SLC14A2: variants seen among roughly 807,000 people sequenced by gnomAD.
SLC14A2 encodes urea transporter 2.
A neutral mutation model predicts 104.6 loss-of-function variants in SLC14A2; 91 were observed. The ratio of observed to expected loss-of-function variants is 0.87; its 90% CI spans 0.73 to 1.04. SLC14A2 has a LOEUF of 1.04. SLC14A2 is among the 50% of genes least tolerant of loss of function. The pLI, the probability that SLC14A2 is intolerant of heterozygous loss-of-function variation, is 0.00. For synonymous variants in SLC14A2, 476 were observed against 466.4 expected (o/e 1.02, Z -0.27); for missense variants, 1,189 against 1,156.0 (o/e 1.03, Z -0.41).
chr18:45,545,587 C>T (rs189010042), intron 2 of SLC14A2, among the ~76,000 whole-genome samples: 23 of 152,294 alleles, frequency 1.5e-4, no homozygotes, highest in East Asian at 3.9e-4. Context: ...TCAAGAAACA[C>T]GCCATGATAT....
chr18:45,423,597 A>G (rs779333798), intron 1 of SLC14A2, among the ~76,000 whole-genome samples: 7 of 152,198 alleles, frequency 4.6e-5, no homozygotes, highest in Non-Finnish European at 7.3e-5. Context: ...AAAAAATGTG[A>G]CTGACAAGGG....
intron 2 of SLC14A2, among the ~76,000 whole-genome samples, chr18:45,562,558 C>A (rs2044215054): frequency 1.3e-5 from 2 of 152,162 alleles, no homozygotes; most frequent in South Asian, 4.1e-4. Context: ...GCTGGAGTGT[C>A]TGGCTGGATT....
intron 1 of SLC14A2, among the ~76,000 whole-genome samples, chr18:45,232,139 C>A (rs978520157): frequency 6.6e-6 from 1 of 152,026 alleles, no homozygotes; most frequent in Non-Finnish European, 1.5e-5. Context: ...AAGAACTACC[C>A]GAGACTGGGC....
In SLC14A2 at chr18:45,541,408, T is replaced by C. The variant is rs116291363; in HGVS notation, c.-35+58086T>C. On this transcript the variant is annotated intron_variant, in intron 2 of 20. Transcript: ENST00000586448. ...AGAGACAGGTTGCCTTTGAATCTGGTGCCCATCCTAGTCCATTCATCTGTC... is the reference window on the plus strand; with the variant it reads ...AGAGACAGGTTGCCTTTGAATCTGGCGCCCATCCTAGTCCATTCATCTGTC... 2.7e-3 allele frequency among the ~76,000 whole-genome samples: 414 copies of C among 152,356 alleles called. 3 individuals are homozygous for C. Among genetic ancestry groups the C allele is most frequent in the African/African-American group, 9.1e-3 (377 of 41,586 alleles).
chr18:45,298,809 G>C (rs76829959), intron 1 of SLC14A2, among the ~76,000 whole-genome samples: 2 of 152,108 alleles, frequency 1.3e-5, no homozygotes, highest in African/African-American at 4.8e-5. Flanking sequence ...TGGGAGGAGT[G>C]GGGGACCTTG....
chr18:45,635,423 A>G (rs773821921), intron 5 of SLC14A2, among the ~76,000 whole-genome samples: 90 of 152,234 alleles, frequency 5.9e-4, no homozygotes, highest in Admixed American at 1.3e-3. Flanking sequence ...GAACAGGCAA[A>G]AAGAAAACTA....
intron 2 of SLC14A2, among the ~76,000 whole-genome samples, chr18:45,588,924 G>A (rs1421621682): frequency 2.0e-5 from 3 of 151,808 alleles, no homozygotes; most frequent in Non-Finnish European, 4.4e-5. Context: ...GAAAGGGAGA[G>A]GAAGGTCTGT....
intron 1 of SLC14A2, among the ~76,000 whole-genome samples, chr18:45,325,488 G>A (rs1326196631): frequency 6.6e-6 from 1 of 152,210 alleles, no homozygotes; most frequent in Non-Finnish European, 1.5e-5. Context: ...AGTGCCAAGT[G>A]TCGATCCTGT....
intron 1 of SLC14A2, among the ~76,000 whole-genome samples, chr18:45,253,731 T>C (rs748944964): frequency 6.6e-6 from 1 of 152,224 alleles, no homozygotes; most frequent in African/African-American, 2.4e-5. Flanking sequence ...CCAAGTCTTA[T>C]CTTCAGAGAA....
At chr18:45,255,637 T>C (rs1420276433) in intron 1 of SLC14A2, among the ~76,000 whole-genome samples, 1 of 152,218 alleles carries the variant, frequency 6.6e-6, no homozygotes, top group African/African-American at 2.4e-5. Context: ...GGACCACATG[T>C]TTATTTTCCA....
intron 2 of SLC14A2, among the ~76,000 whole-genome samples, chr18:45,568,941 A>G (rs1210869077): frequency 3.9e-5 from 6 of 152,238 alleles, no homozygotes; most frequent in African/African-American, 1.4e-4. Flanking sequence ...TGGATCCAGT[A>G]AAAGAAGAGG....
intron 1 of SLC14A2, among the ~76,000 whole-genome samples, chr18:45,419,894 T>A (rs1373550580): frequency 2.0e-5 from 3 of 152,218 alleles, no homozygotes; most frequent in Non-Finnish European, 4.4e-5. Flanking sequence ...ATGATTCACC[T>A]CCGGTTCTCC....
At chr18:45,466,037 G>C (rs546442790) in intron 1 of SLC14A2, among the ~76,000 whole-genome samples, 2 of 152,096 alleles carry the variant, frequency 1.3e-5, no homozygotes, top group African/African-American at 4.8e-5. Flanking sequence ...TATCAGCCAT[G>C]CCCCACAAGG....
intron 1 of SLC14A2, among the ~76,000 whole-genome samples, chr18:45,422,127 A>G (rs2086357008): frequency 6.6e-6 from 1 of 152,164 alleles, no homozygotes; most frequent in African/African-American, 2.4e-5. Flanking sequence ...AGAAATAGGG[A>G]GCTATAGCAG....
intron 1 of SLC14A2, among the ~76,000 whole-genome samples, chr18:45,289,475 A>G (rs1039365845): frequency 1.3e-5 from 2 of 152,128 alleles, no homozygotes; most frequent in Non-Finnish European, 2.9e-5. Flanking sequence ...AAGGGTGACA[A>G]TCCTACTTTT....
intron 2 of SLC14A2, among the ~76,000 whole-genome samples, chr18:45,534,688 T>C (rs1227900684): frequency 1.3e-5 from 2 of 152,144 alleles, no homozygotes; most frequent in Non-Finnish European, 2.9e-5. Context: ...GTGGAGGATA[T>C]GGGACATAGG....
the SLC14A2 span, among the ~76,000 whole-genome samples, chr18:45,174,598 A>G: frequency 2.0e-5 from 3 of 152,156 alleles, no homozygotes; most frequent in Non-Finnish European, 2.9e-5. Flanking sequence ...GCTTCGTTCC[A>G]CTTCTAATAA....
rs186821535 is a variant in SLC14A2, at chr18:45,432,860, G to A, written c.-124-50373G>A. On this transcript the variant is annotated intron_variant, in intron 1 of 20. Transcript: ENST00000586448. ...TGAGTCATTAAATCTAACCTTAGGG[G>A]CAAGAGTTTGTCTGGGATTTTGATT... Among the ~76,000 whole-genome samples, 42 of 152,224 alleles carry A rather than the reference G, an allele frequency of 2.8e-4. 2 individuals are homozygous for A. The highest frequency in any genetic ancestry group is 2.7e-3 in the South Asian group (13 of 4,800).
At chr18:45,391,717 A>G (rs922762433) in intron 1 of SLC14A2, among the ~76,000 whole-genome samples, 1 of 152,204 alleles carries the variant, frequency 6.6e-6, no homozygotes, top group Non-Finnish European at 1.5e-5. Context: ...GGCTGTATAA[A>G]TGTCTTCTTT....
Sources: gnomAD v4.1 joint callset for allele counts (sites outside exome capture counted in the v4.1 genomes callset) on GRCh38, gnomAD v4.1.1 for gene constraint, MANE v1.5 for transcripts, NCBI Gene and HGNC (gene_info 2026-07-23, HGNC 2026-07-21) for gene names.